Variants in SHANK1 observed in about 807,000 individuals in gnomAD.
SHANK1 encodes the protein SH3 and multiple ankyrin repeat domains 1, also known as SH3 and multiple ankyrin repeat domains protein 1.
A neutral mutation model predicts 165.6 loss-of-function variants in SHANK1; 35 were observed. That is an observed-to-expected ratio of 0.21 (90% CI 0.16 to 0.28). The LOEUF is 0.28. SHANK1 is among the 10% of genes least tolerant of loss of function. The probability of loss-of-function intolerance (pLI) is 1.00; values close to 1 mark genes in which losing one functional copy is unlikely to be tolerated. For missense variants in SHANK1, 2,681 were observed against 3,036.4 expected (o/e 0.88, Z 2.75); for synonymous variants, 1,428 against 1,384.8 (o/e 1.03, Z -0.69).
At chr19:50,672,575 A>G (rs944117404) in intron 21 of SHANK1, among the ~76,000 whole-genome samples, 60 of 151,174 alleles carry the variant, frequency 4.0e-4, no homozygotes, top group Non-Finnish European at 7.7e-4. Flanking sequence ...AAAAAAAAAA[A>G]AAAAAGAAAA....
In SHANK1 at chr19:50,707,903, TTTC is replaced by T. The variant is rs777364476; in HGVS notation, c.1078-3392_1078-3390del. Among the ~76,000 whole-genome samples the T allele has an allele frequency of 2.5e-3, 71 of 28,682 alleles. 1 individual carries two copies. Among genetic ancestry groups the T allele is most frequent in the South Asian group, 0.018 (18 of 1,010 alleles). 18.8% of individuals were successfully genotyped at this position (28,682 alleles called of 152,430 possible). On this transcript the variant is annotated intron_variant, in intron 8 of 23. Transcript: ENST00000293441. Reference sequence around the variant, plus strand: ...TTTCTTTTCTTTTCTTTTCTTTTCTTTTCTTTTCTTTTCTTTTCTTTTCTTTTC... The same window carrying T: ...TTTCTTTTCTTTTCTTTTCTTTTCTTTTTTCTTTTCTTTTCTTTTCTTTTC...
chr19:50,704,596 A>AGCAC, intron 8 of SHANK1, 82 bp from the exon 9 acceptor site: 1 of 1,255,088 alleles, frequency 8.0e-7, no homozygotes, highest in Non-Finnish European at 1.2e-6. Flanking sequence ...GTTCTGTGCT[A>AGCAC]AGAGCCTCAG....
chr19:50,668,217 T>A lies in SHANK1; in HGVS notation c.3743A>T (p.Asn1248Ile). 1 of 1,497,580 alleles carries A rather than the reference T, an allele frequency of 6.7e-7. No individual in the cohort carries two copies. Among genetic ancestry groups the A allele is most frequent in the African/African-American group, 1.5e-5 (1 of 68,936 alleles). 92.8% of individuals were successfully genotyped at this position (1,497,580 alleles called of 1,614,324 possible). The change falls in exon 23 of 24, where the codon AAT (asparagine) becomes ATT (isoleucine). Residue 1248 changes from asparagine to isoleucine, a missense_variant. Asn to Ile is a moderately radical substitution (Grantham distance 149). Around this residue, in one of 10 missense-constraint regions of SHANK1, gnomAD observed 1,713 missense variants for 1,630.2 expected, o/e 1.05. Transcript: ENST00000293441. ...CAGCGTGGAGCGCCGGCGCGCCTCATTCTGCCAGCCCCCCTCCCTCCGGGC... is the reference window on the plus strand; with the variant it reads ...CAGCGTGGAGCGCCGGCGCGCCTCAATCTGCCAGCCCCCCTCCCTCCGGGC... ...GAARREGGWQNEARRRSTLFL... is the reference protein window; with the variant it reads ...GAARREGGWQIEARRRSTLFL...
At chr19:50,704,388 C>G in intron 9 of SHANK1, 49 bp downstream of exon 9, 1 of 1,561,202 alleles carries the variant, frequency 6.4e-7, no homozygotes, top group Non-Finnish European at 8.8e-7. Flanking sequence ...GTCACTGTCA[C>G]CCTTTCCTTA....
rs2089084937 is a variant in SHANK1, at chr19:50,717,628, A to G, written c.-43-666T>C. ...GAGCATTTGGCCTAGGGTGTCCCCA[A>G]GGGAACCACAAGAGGTGGCTTTTGG... On this transcript the variant is annotated intron_variant, in intron 1 of 23. Transcript: ENST00000293441. The surrounding 1 kb of genome is among the most constrained non-coding windows in gnomAD (Gnocchi z 5.5). Among the ~76,000 whole-genome samples the G allele has an allele frequency of 6.6e-6, 1 of 152,190 alleles. No homozygotes were observed. The highest frequency in any genetic ancestry group is 2.4e-5 in the African/African-American group (1 of 41,440).
chr19:50,689,787 A>G (rs1436012456), intron 15 of SHANK1, among the ~76,000 whole-genome samples: 1 of 152,162 alleles, frequency 6.6e-6, no homozygotes, highest in East Asian at 1.9e-4. Flanking sequence ...TAGGTGCTCA[A>G]TATGATCTGC....
rs1401680709 is a variant in SHANK1, at chr19:50,717,369, G to T, written c.-43-407C>A. Among the ~76,000 whole-genome samples the T allele has an allele frequency of 6.6e-6, 1 of 152,226 alleles. No homozygotes were observed. Among genetic ancestry groups the T allele is most frequent in the African/African-American group, 2.4e-5 (1 of 41,462 alleles). On this transcript the variant is annotated intron_variant, in intron 1 of 23. Coordinates refer to ENST00000293441, the MANE Select transcript of SHANK1 (RefSeq NM_016148.5). The surrounding 1 kb of genome is among the most constrained non-coding windows in gnomAD (Gnocchi z 5.5). ...AGGTGGACAAACTGACAGGCATCCTGCCCTCCTGGCCCCAGCCTGGCCCCT... is the reference window on the plus strand; with the variant it reads ...AGGTGGACAAACTGACAGGCATCCTTCCCTCCTGGCCCCAGCCTGGCCCCT...
Position 50,717,406 on chromosome 19 carries a change from CG to C in SHANK1, c.-43-445del, listed in dbSNP as rs1025040457. Among the ~76,000 whole-genome samples the C allele has an allele frequency of 1.3e-5, 2 of 152,196 alleles. No homozygotes were observed. Among genetic ancestry groups the C allele is most frequent in the East Asian group, 1.9e-4 (1 of 5,162 alleles). ...CCAGCCTGGCCCCTCATCCCAGGGC[CG>C]GGGGGTGGGGTTGGGGAGAAGCTGA... On this transcript the variant is annotated intron_variant, in intron 1 of 23. Coordinates refer to ENST00000293441, the MANE Select transcript of SHANK1 (RefSeq NM_016148.5). This position sits in a 1 kb window ranked among gnomAD's most constrained non-coding sequence, Gnocchi z 5.5.
Position 50,667,935 on chromosome 19 carries a change from A to C in SHANK1, c.4025T>G (p.Leu1342Arg). ...FLPPRPLVHP[L>R]TGKALDPASP... Reference sequence around the variant, plus strand: ...GGCGGGATCCAGGGCCTTGCCGGTCAGCGGGTGCACCAGGGGTCGCGGGGG... The same window carrying C: ...GGCGGGATCCAGGGCCTTGCCGGTCCGCGGGTGCACCAGGGGTCGCGGGGG... Residue 1342 changes from leucine to arginine, a missense_variant, in exon 23 of 24, where the codon CTG (leucine) becomes CGG (arginine). Physicochemically the swap from Leu to Arg is moderately radical, Grantham distance 102. Transcript: ENST00000293441. This position sits in a 1 kb window ranked among gnomAD's most constrained non-coding sequence, Gnocchi z 5.7. 7.3e-7 allele frequency: 1 copy of C among 1,369,728 alleles called. No homozygotes were observed. Among genetic ancestry groups the C allele is most frequent in the Non-Finnish European group, 9.4e-7 (1 of 1,067,350 alleles). 84.8% of individuals were successfully genotyped at this position (1,369,728 alleles called of 1,614,324 possible). A position where few individuals can be genotyped will look rare whatever the true frequency, so the allele number is the denominator to read the frequency against.
At chr19:50,673,493 G>C (rs928082296) in intron 21 of SHANK1, among the ~76,000 whole-genome samples, 3 of 152,020 alleles carry the variant, frequency 2.0e-5, no homozygotes, top group Non-Finnish European at 4.4e-5. Flanking sequence ...TTCCTTTTCA[G>C]CGCGAAGTTC....
At chr19:50,703,460 AC>A (rs773958035) in intron 11 of SHANK1, 39 bp downstream of exon 11, 7 of 1,493,374 alleles carry the variant, frequency 4.7e-6, no homozygotes, top group Non-Finnish European at 5.4e-6. Context: ...AGGGGATTTG[AC>A]GGGGCTGGGG....
At chr19:50,687,768 G>T in intron 18 of SHANK1, 106 bp from the exon 19 acceptor site, 3 of 1,355,996 alleles carry the variant, frequency 2.2e-6, no homozygotes, top group Non-Finnish European at 3.0e-6. Context: ...TTGCCAGCGT[G>T]CGGAGCCCTC....
intron 4 of SHANK1, among the ~76,000 whole-genome samples, chr19:50,714,764 T>A (rs545469230): frequency 6.6e-6 from 1 of 151,848 alleles, no homozygotes; most frequent in Non-Finnish European, 1.5e-5. Context: ...GTTAATGATA[T>A]ATGTTATTTA....
rs562179674 is a variant in SHANK1 at position 50,697,320 on chromosome 19, G to A, written c.1938-198C>T. On this transcript the variant is annotated intron_variant, in intron 14 of 23. Transcript: ENST00000293441. This position sits in a 1 kb window ranked among gnomAD's most constrained non-coding sequence, Gnocchi z 4.7. ...CCTCCAGCCAGCCAGACATAAGAGCGCCCCGGCCCCCCCAGGCATCCCCAC... is the reference window on the plus strand; with the variant it reads ...CCTCCAGCCAGCCAGACATAAGAGCACCCCGGCCCCCCCAGGCATCCCCAC... 2.1e-5 allele frequency among the ~76,000 whole-genome samples: 3 copies of A among 146,234 alleles called. No individual in the cohort carries two copies. Among genetic ancestry groups the A allele is most frequent in the East Asian group, 4.1e-4 (2 of 4,882 alleles).
rs937529667 is a variant in SHANK1, at chr19:50,660,257, G to A, written c.*1708C>T. ...GAAGCGTGCGGGAAGGAACAGCCAT[G>A]CTGGAGGGAGAGGGAGCTTCTTGGA... On this transcript the variant is annotated 3_prime_UTR_variant, in exon 24 of 24. Coordinates refer to ENST00000293441, the MANE Select transcript of SHANK1 (RefSeq NM_016148.5). Among the ~76,000 whole-genome samples the A allele has an allele frequency of 1.4e-5, 2 of 139,318 alleles. No homozygotes were observed. Among genetic ancestry groups the A allele is most frequent in the African/African-American group, 5.0e-5 (2 of 40,128 alleles). The allele number at this position is 139,318 out of a possible 152,430, so 91.4% of individuals were successfully genotyped here.
In SHANK1 at chr19:50,716,429, T is replaced by G; in HGVS notation, c.305A>C (p.Gln102Pro). ...PDATIWTAKQ[Q>P]VLCALSESLQ... ...GCTCTCGCTCAGGGCACAGAGCACC[T>G]GCTGCTTGGCCGTCCAGATGGTGGC... is the stretch of plus-strand genomic sequence containing the variant. The change falls in exon 3 of 24, where the codon CAG becomes CCG. Residue 102 changes from glutamine to proline, a missense_variant. By Grantham distance (76) the Gln-to-Pro change is moderately conservative. Around this residue, in one of 10 missense-constraint regions of SHANK1, gnomAD observed 189 missense variants for 440.9 expected, o/e 0.43. Coordinates refer to ENST00000293441, the MANE Select transcript of SHANK1 (RefSeq NM_016148.5). This position sits in a 1 kb window ranked among gnomAD's most constrained non-coding sequence, Gnocchi z 8.4. The G allele has an allele frequency of 6.2e-7, 1 of 1,614,204 alleles. No homozygotes were observed. Among genetic ancestry groups the G allele is most frequent in the Non-Finnish European group, 8.5e-7 (1 of 1,180,024 alleles).
At position 50,713,828 on chromosome 19, in the gene SHANK1, G is replaced by A. The variant is rs748094229; in HGVS notation, c.762C>T (p.Ala254=). 1.9e-5 allele frequency: 30 copies of A among 1,613,630 alleles called. No homozygotes were observed. The highest frequency in any genetic ancestry group is 8.3e-5 in the Admixed American group (5 of 59,996). Residue 254 remains alanine (A), a synonymous_variant, in exon 6 of 24, where the codon GCC becomes GCT. Transcript: ENST00000293441. This position sits in a 1 kb window ranked among gnomAD's most constrained non-coding sequence, Gnocchi z 6.2. ...GTGCCAGGCAGTGTCGGGCGCATGC[G>A]GCCTTATGCAGTGCGGTCATGCCAT... ...ARDGMTALHK[A]ACARHCLALT...
chr19:50,669,170 C>A lies in SHANK1; in HGVS notation c.2790G>T (p.Glu930Asp), dbSNP rs779294161. 1.6e-5 allele frequency: 25 copies of A among 1,592,088 alleles called. No individual in the cohort carries two copies. Among genetic ancestry groups the A allele is most frequent in the Non-Finnish European group, 2.1e-5 (24 of 1,170,272 alleles). ...IPPPPTTSPP[E>D]PPYSTPPVPS... The stretch of plus-strand genomic sequence containing the variant: ...GGACTGGAGGTGTGCTGTAGGGAGG[C>A]TCCGGTGGGGACGTGGTGGGTGGCG... Residue 930 changes from glutamate (E) to aspartate (D), a missense_variant, in exon 23 of 24, where the codon GAG becomes GAT. Physicochemically the swap from Glu to Asp is conservative, Grantham distance 45. Coordinates refer to ENST00000293441, the MANE Select transcript of SHANK1 (RefSeq NM_016148.5).
Position 50,661,748 on chromosome 19 carries a change from CA to C in SHANK1, c.*216del. ...CCCTCCGCTCCCCGCTTCACACACA[CA>C]CACACACTCTTGTGTCAGCTGCCCC... On this transcript the variant is annotated 3_prime_UTR_variant, in exon 24 of 24. Transcript: ENST00000293441. The C allele has an allele frequency of 1.7e-6, 1 of 591,762 alleles. No individual in the cohort carries two copies. The highest frequency in any genetic ancestry group is 2.0e-5 in the South Asian group (1 of 49,964). The allele number at this position is 591,762 out of a possible 1,614,324, so 36.7% of individuals were successfully genotyped here.
Sources: allele counts gnomAD v4.1 joint callset (sites outside exome capture counted in the v4.1 genomes callset), GRCh38; gene constraint gnomAD v4.1.1; regional missense constraint gnomAD v4.1.1; non-coding constraint Gnocchi (gnomAD v3.1); transcripts MANE v1.5; gene names NCBI Gene and HGNC (gene_info 2026-07-23, HGNC 2026-07-21).